Variants in SMIM36 observed in about 807,000 individuals in gnomAD.
SMIM36 encodes the protein small integral membrane protein 36.
chr17:55,492,650 C>T (rs1182509037), intron 1 of SMIM36, among the ~76,000 whole-genome samples: 6 of 149,464 alleles, frequency 4.0e-5, no homozygotes, highest in African/African-American at 1.5e-4. Flanking sequence ...AAGAAAAACA[C>T]ACACACATCA....
intron 1 of SMIM36, among the ~76,000 whole-genome samples, chr17:55,487,398 G>C (rs1256211770): frequency 6.6e-6 from 1 of 152,154 alleles, no homozygotes; most frequent in Admixed American, 6.5e-5. Context: ...TTAGGACAGG[G>C]TTCTATGGGG....
intron 3 of SMIM36, among the ~76,000 whole-genome samples, chr17:55,473,042 C>T (rs555543645): frequency 2.6e-5 from 4 of 152,256 alleles, no homozygotes; most frequent in East Asian, 3.9e-4. Context: ...ACCTGCTCTA[C>T]CAGTCTTTTC....
At chr17:55,510,728 A>G (rs910567741) in intron 1 of SMIM36, among the ~76,000 whole-genome samples, 151 bp downstream of exon 1, 1 of 147,120 alleles carries the variant, frequency 6.8e-6, no homozygotes, top group Non-Finnish European at 1.5e-5. Context: ...CACACACACA[A>G]TATTGCATCC....
rs1567862486 is a variant in SMIM36, at chr17:55,459,580, C to G, written c.*531+7565G>C. 4.6e-5 allele frequency among the ~76,000 whole-genome samples: 7 copies of G among 152,328 alleles called. No homozygotes were observed. In the South Asian group the frequency reaches 1.4e-3, roughly 32 times the overall value. ...TCAGTTCTTTACAATTTTAGACTTA[C>G]TGCTATCATATTTATATAGTTGATT... On this transcript the variant is annotated intron_variant, in intron 4 of 4. Coordinates refer to ENST00000636752, the Ensembl canonical transcript of SMIM36.
intron 1 of SMIM36, among the ~76,000 whole-genome samples, chr17:55,480,241 TAAAA>T (rs112973181): frequency 7.8e-6 from 1 of 128,784 alleles, no homozygotes; most frequent in Non-Finnish European, 1.7e-5. Flanking sequence ...TGGAGCGTTC[TAAAA>T]AAAAAAAAAA....
intron 1 of SMIM36, among the ~76,000 whole-genome samples, chr17:55,494,738 T>A (rs1181340092): frequency 6.6e-6 from 1 of 152,106 alleles, no homozygotes; most frequent in African/African-American, 2.4e-5. Context: ...TATAAGTATA[T>A]ACAAATATAA....
intron 1 of SMIM36, among the ~76,000 whole-genome samples, chr17:55,491,201 C>A (rs1351573247): frequency 7.2e-6 from 1 of 139,076 alleles, no homozygotes. Flanking sequence ...ATGATTGCAC[C>A]ATTGCACTTT....
rs1184681379 is a variant in SMIM36, at chr17:55,488,147, A to C, written c.*175-8567T>G. ...TTTACTTCTTTGGCCTTCAGCCAAC[A>C]TCTCAAAGTCAGTCTCCTGAGTCAG... On this transcript the variant is annotated intron_variant, in intron 1 of 4. Coordinates refer to ENST00000636752, the Ensembl canonical transcript of SMIM36. Among the ~76,000 whole-genome samples, 7 of 152,366 alleles carry C rather than the reference A, an allele frequency of 4.6e-5. No homozygotes were observed. The East Asian group carries it at 1.2e-3, about 25-fold the overall frequency.
chr17:55,474,862 A>G (rs928734021), intron 3 of SMIM36, among the ~76,000 whole-genome samples: 3 of 152,172 alleles, frequency 2.0e-5, no homozygotes, highest in African/African-American at 7.2e-5. Context: ...GAGACTATGG[A>G]GTTACTATGA....
At chr17:55,480,432 C>A (rs974484615) in intron 1 of SMIM36, among the ~76,000 whole-genome samples, 2 of 152,102 alleles carry the variant, frequency 1.3e-5, no homozygotes, top group Non-Finnish European at 2.9e-5. Flanking sequence ...TCTCAAACTT[C>A]TGGTTTCAAT....
chr17:55,510,169 G>C (rs1374396855), intron 1 of SMIM36, among the ~76,000 whole-genome samples: 1 of 151,960 alleles, frequency 6.6e-6, no homozygotes, highest in Non-Finnish European at 1.5e-5. Context: ...CTAGCAAGTA[G>C]AAGAGGCAGG....
chr17:55,518,451 A>ACT, the SMIM36 span, among the ~76,000 whole-genome samples: 2 of 152,212 alleles, frequency 1.3e-5, no homozygotes, highest in African/African-American at 4.8e-5. Flanking sequence ...GCAGTGACCA[A>ACT]CTAGGTTTAA....
intron 4 of SMIM36, among the ~76,000 whole-genome samples, chr17:55,463,666 T>C (rs1909184334): frequency 6.6e-6 from 1 of 152,086 alleles, no homozygotes. Context: ...GGTAGACAAA[T>C]ATAATAGGAG....
intron 1 of SMIM36, among the ~76,000 whole-genome samples, chr17:55,496,652 G>A (rs17819278): frequency 0.35 from 52,578 of 152,068 alleles, 10,540 homozygotes; most frequent in Non-Finnish European, 0.45. Context: ...GGCAATACTT[G>A]TCTGTGTCTG....
At chr17:55,518,460 A>G in the SMIM36 span, among the ~76,000 whole-genome samples, 1 of 152,230 alleles carries the variant, frequency 6.6e-6, no homozygotes, top group African/African-American at 2.4e-5. Flanking sequence ...AACTAGGTTT[A>G]AAGCTGCTGA....
At chr17:55,450,626 G>C (rs1006642587) in intron 4 of SMIM36, among the ~76,000 whole-genome samples, 4 of 152,164 alleles carry the variant, frequency 2.6e-5, no homozygotes, top group Admixed American at 6.5e-5. Flanking sequence ...GAGCCCAGAC[G>C]TGGAACCCGG....
chr17:55,488,014 C>T (rs1458520283), intron 1 of SMIM36, among the ~76,000 whole-genome samples: 1 of 152,196 alleles, frequency 6.6e-6, no homozygotes, highest in Non-Finnish European at 1.5e-5. Context: ...GGTGAGTAGC[C>T]TGTCTTTGTC....
rs910490958 is a variant in SMIM36 at position 55,507,865 on chromosome 17, C to T, written c.*174+3014G>A. Among the ~76,000 whole-genome samples, 4 of 152,154 alleles carry T rather than the reference C, an allele frequency of 2.6e-5. No individual in the cohort carries two copies. The East Asian group carries it at 7.7e-4, about 29-fold the overall frequency. Reference sequence around the variant, plus strand: ...GGACTTAAGCCAGGCGTCGTGCTGACATTTAAAGATGATTCCTCTTTCGTC... The same window carrying T: ...GGACTTAAGCCAGGCGTCGTGCTGATATTTAAAGATGATTCCTCTTTCGTC... On this transcript the variant is annotated intron_variant, in intron 1 of 4. Coordinates refer to ENST00000636752, the Ensembl canonical transcript of SMIM36.
At chr17:55,471,179 C>T (rs1366096880) in intron 3 of SMIM36, among the ~76,000 whole-genome samples, 1 of 152,198 alleles carries the variant, frequency 6.6e-6, no homozygotes, top group Non-Finnish European at 1.5e-5. Flanking sequence ...CCAATCCCAA[C>T]AACTCACCTG....
Sources: allele counts gnomAD v4.1 joint callset (sites outside exome capture counted in the v4.1 genomes callset), GRCh38; gene constraint gnomAD v4.1.1; transcripts MANE v1.5; gene names NCBI Gene and HGNC (gene_info 2026-07-23, HGNC 2026-07-21).